SHISA6: variants seen among roughly 807,000 people sequenced by gnomAD.
SHISA6 encodes the protein shisa family member 6.
Under a neutral mutation model 47.9 loss-of-function variants are expected in SHISA6, and 22 were observed. The ratio of observed to expected loss-of-function variants is 0.46; its 90% CI spans 0.33 to 0.66. SHISA6 has a LOEUF of 0.66. SHISA6 is among the 30% of genes least tolerant of loss of function. The pLI is 0.02. For missense variants in SHISA6, 680 were observed against 764.6 expected, an observed-to-expected ratio of 0.89 and a Z score of 1.30; for synonymous variants, 388 against 337.8, an observed-to-expected ratio of 1.15 and a Z score of -1.63.
At chr17:11,296,266 C>G (rs557344618) in intron 2 of SHISA6, among the ~76,000 whole-genome samples, 1 of 152,194 alleles carries the variant, frequency 6.6e-6, no homozygotes, top group East Asian at 1.9e-4. Context: ...GGAGAATGGG[C>G]TGAGGGGCAC....
intron 3 of SHISA6, among the ~76,000 whole-genome samples, chr17:11,474,820 G>T (rs4792142): frequency 0.19 from 29,270 of 151,972 alleles, 2,972 homozygotes; most frequent in Middle Eastern, 0.29. Context: ...TGGCAATTCT[G>T]GGTCATTTGC....
At chr17:11,462,772 C>A (rs1261948006) in intron 3 of SHISA6, among the ~76,000 whole-genome samples, 1 of 152,046 alleles carries the variant, frequency 6.6e-6, no homozygotes, top group African/African-American at 2.4e-5. Context: ...GGATTACAGG[C>A]ATGTGCCACC....
intron 2 of SHISA6, among the ~76,000 whole-genome samples, chr17:11,358,309 C>T (rs1448380750): frequency 1.3e-5 from 2 of 152,082 alleles, no homozygotes; most frequent in African/African-American, 4.8e-5. Flanking sequence ...TTTGTGGCTT[C>T]TCTCACTTAG....
intron 3 of SHISA6, among the ~76,000 whole-genome samples, chr17:11,392,128 T>C (rs541649909): frequency 6.6e-6 from 1 of 152,352 alleles, no homozygotes; most frequent in Admixed American, 6.5e-5. Flanking sequence ...ATAGGATTGA[T>C]GTCAGACTCT....
intron 1 of SHISA6, among the ~76,000 whole-genome samples, chr17:11,259,719 C>A (rs1252911056): frequency 6.6e-6 from 1 of 152,220 alleles, no homozygotes; most frequent in Non-Finnish European, 1.5e-5. Flanking sequence ...TGAACTGAAT[C>A]ACTCATTTAC....
At chr17:11,270,799 G>A (rs1008551839) in intron 2 of SHISA6, among the ~76,000 whole-genome samples, 12 of 152,246 alleles carry the variant, frequency 7.9e-5, no homozygotes, top group East Asian at 1.9e-4. Flanking sequence ...TTCCTTCCAC[G>A]TGGAATGTGA....
chr17:11,410,454 C>T (rs1418998819), intron 3 of SHISA6, among the ~76,000 whole-genome samples: 1 of 152,174 alleles, frequency 6.6e-6, no homozygotes, highest in Non-Finnish European at 1.5e-5. Flanking sequence ...CAAATATGCA[C>T]AGCTATTAAG....
At chr17:11,260,414 T>C (rs1035997146) in intron 1 of SHISA6, among the ~76,000 whole-genome samples, 1 of 152,050 alleles carries the variant, frequency 6.6e-6, no homozygotes, top group Non-Finnish European at 1.5e-5. Flanking sequence ...GTCGTCCACA[T>C]GGGGGGTGAC....
At chr17:11,330,794 T>G (rs1363555862) in intron 2 of SHISA6, among the ~76,000 whole-genome samples, 1 of 101,376 alleles carries the variant, frequency 9.9e-6, no homozygotes, top group Non-Finnish European at 2.1e-5. Context: ...TATAGTCAGA[T>G]GAATAAAATT....
chr17:11,449,993 T>A lies in SHISA6; in HGVS notation c.895+70484T>A, dbSNP rs570098822. Among the ~76,000 whole-genome samples the A allele has an allele frequency of 1.2e-4, 19 of 152,344 alleles. No individual in the cohort carries two copies. In the South Asian group the frequency reaches 3.9e-3, roughly 32 times the overall value. ...TCCGCCTCCTGGGTTCACGCCATTC[T>A]CCTGCGTCAGCCTCCCAAGTAGCTG... On this transcript the variant is annotated intron_variant, in intron 3 of 5. Transcript: ENST00000441885.
At chr17:11,380,574 T>G (rs1328005507) in intron 3 of SHISA6, 4 of 152,192 alleles carry the variant, frequency 2.6e-5, no homozygotes, top group Non-Finnish European at 1.5e-5. Context: ...TGGGCCATAG[T>G]CTATTAACTC....
intron 2 of SHISA6, among the ~76,000 whole-genome samples, chr17:11,375,774 C>T (rs909025140): frequency 6.6e-6 from 1 of 152,114 alleles, no homozygotes; most frequent in African/African-American, 2.4e-5. Flanking sequence ...GACGGGAGGT[C>T]GAGGCAGCCT....
At chr17:11,282,077 A>T (rs965374873) in intron 2 of SHISA6, among the ~76,000 whole-genome samples, 5 of 152,238 alleles carry the variant, frequency 3.3e-5, no homozygotes, top group Admixed American at 1.3e-4. Context: ...GCATAGGCCA[A>T]ATTATCTTTA....
At chr17:11,329,012 A>G (rs1911010156) in intron 2 of SHISA6, among the ~76,000 whole-genome samples, 1 of 152,240 alleles carries the variant, frequency 6.6e-6, no homozygotes, top group African/African-American at 2.4e-5. Context: ...ACAATGCTTT[A>G]ATAAATAGTA....
chr17:11,305,389 C>T (rs189719015), intron 2 of SHISA6, among the ~76,000 whole-genome samples: 6 of 152,242 alleles, frequency 3.9e-5, no homozygotes, highest in Admixed American at 3.9e-4. Flanking sequence ...ATAAGCAATG[C>T]ACAGGAAGAG....
intron 3 of SHISA6, among the ~76,000 whole-genome samples, chr17:11,545,079 A>G (rs897603853): frequency 3.3e-5 from 5 of 152,010 alleles, no homozygotes; most frequent in Admixed American, 3.3e-4. Context: ...CTGCACACGA[A>G]TGTTGACAGC....
At chr17:11,317,427 C>T (rs1042717436) in intron 2 of SHISA6, among the ~76,000 whole-genome samples, 7 of 151,340 alleles carry the variant, frequency 4.6e-5, no homozygotes, top group African/African-American at 1.7e-4. Flanking sequence ...TCTTATTGAT[C>T]ATAAACATAT....
At chr17:11,405,778 G>T (rs1913935040) in intron 3 of SHISA6, among the ~76,000 whole-genome samples, 1 of 151,578 alleles carries the variant, frequency 6.6e-6, no homozygotes, top group South Asian at 2.1e-4. Flanking sequence ...GGGTGACAGA[G>T]CAAAGCTCTG....
intron 2 of SHISA6, among the ~76,000 whole-genome samples, chr17:11,345,770 T>C (rs1911683561): frequency 6.6e-6 from 1 of 152,176 alleles, no homozygotes; most frequent in Non-Finnish European, 1.5e-5. Flanking sequence ...TGTTGATTGC[T>C]ATTAAATAGA....
Sources: allele counts gnomAD v4.1 joint callset (sites outside exome capture counted in the v4.1 genomes callset), GRCh38; gene constraint gnomAD v4.1.1; transcripts MANE v1.5; gene names NCBI Gene and HGNC (gene_info 2026-07-23, HGNC 2026-07-21).